Variants in SEC31B observed in about 807,000 individuals in gnomAD.
The protein encoded by SEC31B is protein transport protein Sec31B.
A neutral mutation model predicts 135.0 loss-of-function variants in SEC31B; 113 were observed. The ratio of observed to expected loss-of-function variants is 0.84; its 90% CI spans 0.72 to 0.98. The LOEUF is 0.98. Among genes scored for constraint, SEC31B ranks in the 50% least tolerant of loss-of-function variants. The pLI, the probability that SEC31B is intolerant of heterozygous loss-of-function variation, is 0.00. For synonymous variants in SEC31B, 508 were observed against 549.4 expected (o/e 0.92, Z 1.05); for missense variants, 1,296 against 1,421.1 (o/e 0.91, Z 1.42).
intron 15 of SEC31B, 23 bp from the exon 16 acceptor site, chr10:100,497,816 G>C (rs373534944): frequency 6.2e-7 from 1 of 1,614,224 alleles, no homozygotes; most frequent in Non-Finnish European, 8.5e-7. Flanking sequence ...GAGAGGGAAA[G>C]AGACCATCAG....
At chr10:100,510,496 C>T (rs1851718338) in intron 3 of SEC31B, among the ~76,000 whole-genome samples, 1 of 152,224 alleles carries the variant, frequency 6.6e-6, no homozygotes, top group Non-Finnish European at 1.5e-5. Flanking sequence ...CTGCAAAGCC[C>T]CTACGGAAGA....
intron 19 of SEC31B, among the ~76,000 whole-genome samples, chr10:100,492,307 C>A (rs1851315782): frequency 6.6e-6 from 1 of 152,242 alleles, no homozygotes; most frequent in African/African-American, 2.4e-5. Context: ...TCACTGCAAC[C>A]TCCACCTCCC....
chr10:100,506,066 C>T lies in SEC31B; in HGVS notation c.1018G>A (p.Val340Ile). 6.2e-7 allele frequency: 1 copy of T among 1,614,082 alleles called. No individual in the cohort carries two copies. Reference sequence around the variant, plus strand: ...TTGTCAGCCTGTCTCATATGCTGGACTTCCCAGCTCCTACCCATCACAGAG... The same window carrying T: ...TTGTCAGCCTGTCTCATATGCTGGATTTCCCAGCTCCTACCCATCACAGAG... ...LYSVMGRSWE[V>I]QHMRQADKIS... The change falls in exon 9 of 26, where the codon GTC becomes ATC. Residue 340 changes from valine (V) to isoleucine (I), a missense_variant. By Grantham distance (29) the Val-to-Ile change is conservative (BLOSUM62 3). Coordinates refer to ENST00000370345, the MANE Select transcript of SEC31B (RefSeq NM_015490.4).
intron 5 of SEC31B, chr10:100,508,752 T>C: frequency 1.9e-6 from 1 of 538,306 alleles, no homozygotes; most frequent in Non-Finnish European, 3.3e-6. Context: ...TCTTTTGCTC[T>C]CCCCAACTTT....
rs1008943954 is a variant in SEC31B, at chr10:100,509,430, G to T, written c.285C>A (p.Gly95=). The change falls in exon 4 of 26, where the codon GGC becomes GGA. Residue 95 remains glycine (G), a synonymous_variant. Transcript: ENST00000370345. ...SGVIVGGGDN[G]MLILYNVTHI... is the part of the protein sequence containing the mutation. ...GGGTCACATTGTATAGAATAAGCAT[G>T]CCATTGTCCCCGCCGCCAACAATAA... is the stretch of plus-strand genomic sequence containing the variant. 6.2e-7 allele frequency: 1 copy of T among 1,613,994 alleles called. No individual in the cohort carries two copies. Among genetic ancestry groups the T allele is most frequent in the Non-Finnish European group, 8.5e-7 (1 of 1,180,012 alleles).
Position 100,487,358 on chromosome 10 carries a change from A to G in SEC31B, c.*258T>C. The G allele has an allele frequency of 2.0e-6, 1 of 495,974 alleles. No individual in the cohort carries two copies. Among genetic ancestry groups the G allele is most frequent in the South Asian group, 2.2e-5 (1 of 45,100 alleles). 30.7% of individuals were successfully genotyped at this position (495,974 alleles called of 1,614,324 possible). ...GCCCCAGGTCCTTACAGAGTGTAGT[A>G]TTAGGGAGAGTGAAGAACTGATTCT... is the stretch of plus-strand genomic sequence containing the variant. On this transcript the variant is annotated 3_prime_UTR_variant, in exon 26 of 26. Coordinates refer to ENST00000370345, the MANE Select transcript of SEC31B (RefSeq NM_015490.4).
rs985464323 is a variant in SEC31B at position 100,507,360 on chromosome 10, C to A, written c.782+65G>T. The A allele has an allele frequency of 3.1e-6, 5 of 1,598,026 alleles. No homozygotes were observed. The African/African-American group carries it at 5.4e-5, about 17-fold the overall frequency. ...AGTAGCTAAAGTGAGGGATACATTGCCTCCTACCCAGCCCAGTTATATCCA... is the reference window on the plus strand; with the variant it reads ...AGTAGCTAAAGTGAGGGATACATTGACTCCTACCCAGCCCAGTTATATCCA... On this transcript the variant is annotated intron_variant, in intron 7 of 25. Transcript: ENST00000370345.
At chr10:100,509,770 A>C (rs796902267) in intron 3 of SEC31B, among the ~76,000 whole-genome samples, 15 of 152,250 alleles carry the variant, frequency 9.9e-5, no homozygotes, top group African/African-American at 3.6e-4. Flanking sequence ...ATATATATAC[A>C]TATATATGTA....
chr10:100,504,761 G>C (rs1337257260), intron 10 of SEC31B, among the ~76,000 whole-genome samples: 2 of 152,004 alleles, frequency 1.3e-5, no homozygotes, highest in African/African-American at 2.4e-5. Context: ...GTATTTAAGA[G>C]AGGGGCCTTG....
chr10:100,513,418 G>A lies in SEC31B; in HGVS notation c.203+2678C>T, dbSNP rs563091082. Among the ~76,000 whole-genome samples, 3 of 152,260 alleles carry A rather than the reference G, an allele frequency of 2.0e-5. 1 individual carries two copies. The South Asian group carries it at 6.2e-4, about 32-fold the overall frequency. ...AACCCTTAAGACACTAAGACTAACT[G>A]TAACTGAAGTGCTGGATTTGAATGC... On this transcript the variant is annotated intron_variant, in intron 3 of 25. Coordinates refer to ENST00000370345, the MANE Select transcript of SEC31B (RefSeq NM_015490.4).
At chr10:100,489,828 G>A in intron 21 of SEC31B, 67 bp from the exon 22 acceptor site, 2 of 1,609,170 alleles carry the variant, frequency 1.2e-6, no homozygotes, top group African/African-American at 1.3e-5. Context: ...TTTATCTGAA[G>A]GCTGGAAGCA....
Position 100,516,121 on chromosome 10 carries a change from T to C in SEC31B, c.178A>G (p.Arg60Gly). Residue 60 changes from arginine (R) to glycine (G), a missense_variant, in exon 3 of 26, where the codon AGA becomes GGA. Coordinates refer to ENST00000370345, the MANE Select transcript of SEC31B (RefSeq NM_015490.4). ...CTGCTCAAGGCAGAAAGGACTCCTCTGTGTTTCAAGTCCAGAGAAGGGTCC... is the reference window on the plus strand; with the variant it reads ...CTGCTCAAGGCAGAAAGGACTCCTCCGTGTTTCAAGTCCAGAGAAGGGTCC... ...FRDPSLDLKH[R>G]GVLSALSRFH... 4 of 1,614,182 alleles carry C rather than the reference T, an allele frequency of 2.5e-6. No individual in the cohort carries two copies. Among genetic ancestry groups the C allele is most frequent in the Non-Finnish European group, 3.4e-6 (4 of 1,180,026 alleles).
At chr10:100,492,887 A>T (rs749919761) in intron 19 of SEC31B, among the ~76,000 whole-genome samples, 1 of 152,226 alleles carries the variant, frequency 6.6e-6, no homozygotes, top group Non-Finnish European at 1.5e-5. Flanking sequence ...AATTGGACAA[A>T]ATATGTACAG....
chr10:100,489,583 G>GT, intron 22 of SEC31B, 120 bp downstream of exon 22: 1 of 1,462,898 alleles, frequency 6.8e-7, no homozygotes, highest in Non-Finnish European at 9.5e-7. Flanking sequence ...GGAAAGAAGA[G>GT]TAAGTGGGAG....
In SEC31B at chr10:100,505,377, G is replaced by A. The variant is rs534565538; in HGVS notation, c.1163C>T (p.Thr388Ile). 1.5e-5 allele frequency: 25 copies of A among 1,613,362 alleles called. No homozygotes were observed. In the East Asian group the frequency reaches 5.6e-4, roughly 36 times the overall value. Residue 388 changes from threonine (T) to isoleucine (I), a missense_variant, in exon 10 of 26, where the codon ACA (threonine) becomes ATA (isoleucine). By Grantham distance (89) the Thr-to-Ile change is moderately conservative. Transcript: ENST00000370345. ...TACACTTACAGCAAATGAAACACCTGTTGGTCTTCTAATCCATTTGGGGGG... is the reference window on the plus strand; with the variant it reads ...TACACTTACAGCAAATGAAACACCTATTGGTCTTCTAATCCATTTGGGGGG... ...KKPPKWIRRP[T>I]GVSFAFGGKL...
At chr10:100,500,472 G>A (rs972480968) in intron 11 of SEC31B, among the ~76,000 whole-genome samples, 23 of 151,936 alleles carry the variant, frequency 1.5e-4, no homozygotes, top group African/African-American at 5.1e-4. Flanking sequence ...CCTCAACCAC[G>A]CCCGGCTAAT....
intron 19 of SEC31B, among the ~76,000 whole-genome samples, chr10:100,492,937 C>G (rs961176756): frequency 6.6e-6 from 1 of 152,204 alleles, no homozygotes; most frequent in Admixed American, 6.5e-5. Context: ...GATGGAGAAA[C>G]ATGCCACATT....
chr10:100,492,891 T>C (rs1221754068), intron 19 of SEC31B, among the ~76,000 whole-genome samples: 2 of 152,178 alleles, frequency 1.3e-5, no homozygotes, highest in South Asian at 2.1e-4. Context: ...GGACAAAATA[T>C]GTACAGGATT....
chr10:100,505,835 G>A (rs1851619409), intron 9 of SEC31B: 1 of 1,476,090 alleles, frequency 6.8e-7, no homozygotes, highest in African/African-American at 1.4e-5. Context: ...CCAATAACAA[G>A]AGTCAAGGTG....
Sources: allele counts gnomAD v4.1 joint callset (sites outside exome capture counted in the v4.1 genomes callset), GRCh38; gene constraint gnomAD v4.1.1; transcripts MANE v1.5; gene names NCBI Gene and HGNC (gene_info 2026-07-23, HGNC 2026-07-21).